The following TBC1D22A variants were observed in gnomAD, a reference collection of about 807,000 sequenced individuals.
TBC1D22A encodes the protein TBC1 domain family member 22A.
In TBC1D22A, 38 loss-of-function variants were observed where a neutral mutation model predicts 60.2. The ratio of observed to expected loss-of-function variants is 0.63; its 90% CI spans 0.49 to 0.83. The LOEUF is 0.83. TBC1D22A is among the 40% of genes least tolerant of loss of function. The pLI, the probability that TBC1D22A is intolerant of heterozygous loss-of-function variation, is 0.00. For missense variants in TBC1D22A, 628 were observed against 701.0 expected (o/e 0.90, Z 1.18); for synonymous variants, 302 against 281.7 (o/e 1.07, Z -0.72).
intron 9 of TBC1D22A, among the ~76,000 whole-genome samples, chr22:46,976,838 C>T (rs139235430): frequency 4.6e-5 from 7 of 152,324 alleles, no homozygotes; most frequent in Admixed American, 1.3e-4. Flanking sequence ...CAGCCGTCCA[C>T]GCCGTTGCTG....
chr22:46,988,507 T>C (rs1210731098), intron 9 of TBC1D22A, among the ~76,000 whole-genome samples: 1 of 152,260 alleles, frequency 6.6e-6, no homozygotes, highest in Non-Finnish European at 1.5e-5. Context: ...AGAACGAATA[T>C]GGCATCAGCA....
chr22:47,136,431 T>C (rs538165089), intron 12 of TBC1D22A, among the ~76,000 whole-genome samples: 3 of 152,202 alleles, frequency 2.0e-5, no homozygotes, highest in African/African-American at 4.8e-5. Context: ...CTGTAGGACG[T>C]TGGGAGGAGT....
chr22:46,778,554 C>T (rs1381419130), intron 1 of TBC1D22A, among the ~76,000 whole-genome samples: 1 of 152,124 alleles, frequency 6.6e-6, no homozygotes, highest in Non-Finnish European at 1.5e-5. Flanking sequence ...CACTGGCTTC[C>T]ACCTCCACAT....
chr22:46,949,386 CCCCAT>C (rs2072757710), intron 8 of TBC1D22A, among the ~76,000 whole-genome samples: 1 of 152,172 alleles, frequency 6.6e-6, no homozygotes, highest in Non-Finnish European at 1.5e-5. Context: ...TTTCCGAGGG[CCCCAT>C]CTGTGATGGA....
chr22:47,098,183 G>A (rs2065257999), intron 11 of TBC1D22A, among the ~76,000 whole-genome samples: 1 of 152,188 alleles, frequency 6.6e-6, no homozygotes, highest in Non-Finnish European at 1.5e-5. Context: ...TCCGTGAAAT[G>A]TTTTTCCCTT....
intron 11 of TBC1D22A, among the ~76,000 whole-genome samples, chr22:47,082,838 A>G (rs1393236681): frequency 6.6e-6 from 1 of 152,218 alleles, no homozygotes; most frequent in Non-Finnish European, 1.5e-5. Context: ...AAAACTAAAC[A>G]AACTCCATTC....
intron 8 of TBC1D22A, among the ~76,000 whole-genome samples, chr22:46,921,872 T>C (rs1437113648): frequency 3.3e-5 from 5 of 152,234 alleles, no homozygotes; most frequent in African/African-American, 1.2e-4. Context: ...TTTCTTTTGC[T>C]GTGCAGAAGC....
intron 11 of TBC1D22A, among the ~76,000 whole-genome samples, chr22:47,076,061 A>G (rs1440750300): frequency 6.6e-6 from 1 of 152,170 alleles, no homozygotes; most frequent in Non-Finnish European, 1.5e-5. Context: ...TGTTGCCAGA[A>G]TTACAAGGAC....
chr22:47,085,511 A>G (rs1360773437), intron 11 of TBC1D22A, among the ~76,000 whole-genome samples: 1 of 152,202 alleles, frequency 6.6e-6, no homozygotes, highest in Non-Finnish European at 1.5e-5. Context: ...GATTAGAAGT[A>G]AAATGCTGGG....
At chr22:47,131,076 C>A (rs1025341755) in intron 12 of TBC1D22A, among the ~76,000 whole-genome samples, 1 of 152,180 alleles carries the variant, frequency 6.6e-6, no homozygotes, top group Non-Finnish European at 1.5e-5. Flanking sequence ...ACCACCAGCT[C>A]TGTCCTGAAC....
At chr22:46,807,063 C>G (rs193294845) in intron 4 of TBC1D22A, among the ~76,000 whole-genome samples, 7 of 152,226 alleles carry the variant, frequency 4.6e-5, no homozygotes, top group Non-Finnish European at 1.0e-4. Context: ...CCTGCTCAAC[C>G]GCAGATTCTA....
chr22:47,058,884 G>A (rs2063482683), intron 11 of TBC1D22A, among the ~76,000 whole-genome samples: 1 of 152,198 alleles, frequency 6.6e-6, no homozygotes, highest in African/African-American at 2.4e-5. Flanking sequence ...CCCAGGTGAA[G>A]GAGACAGATC....
At chr22:46,861,034 C>T (rs1000084689) in intron 4 of TBC1D22A, among the ~76,000 whole-genome samples, 4 of 152,116 alleles carry the variant, frequency 2.6e-5, no homozygotes, top group Admixed American at 2.0e-4. Context: ...AATCTTGGCT[C>T]ACTGTCTCTG....
At chr22:46,820,004 G>A (rs910028982) in intron 4 of TBC1D22A, among the ~76,000 whole-genome samples, 2 of 152,128 alleles carry the variant, frequency 1.3e-5, no homozygotes, top group South Asian at 4.1e-4. Flanking sequence ...ATTTTGTCTG[G>A]ATTTTCTAGT....
At chr22:47,162,263 T>G (rs149757096) in intron 12 of TBC1D22A, among the ~76,000 whole-genome samples, 2 of 151,912 alleles carry the variant, frequency 1.3e-5, no homozygotes, top group African/African-American at 4.8e-5. Context: ...CCTCCTGGAC[T>G]GGGAGTCATA....
At chr22:46,896,100 T>C (rs1486289980) in intron 7 of TBC1D22A, among the ~76,000 whole-genome samples, 1 of 152,220 alleles carries the variant, frequency 6.6e-6, no homozygotes, top group Non-Finnish European at 1.5e-5. Context: ...CACGTTTGTT[T>C]CTCTGGTTAC....
chr22:47,165,014 A>G (rs2068141689), intron 12 of TBC1D22A, among the ~76,000 whole-genome samples: 1 of 152,110 alleles, frequency 6.6e-6, no homozygotes, highest in Non-Finnish European at 1.5e-5. Flanking sequence ...GGGGCCAGTG[A>G]GACCGAGAGG....
At chr22:47,169,163 A>C (rs1266572264) in intron 12 of TBC1D22A, among the ~76,000 whole-genome samples, 1 of 152,190 alleles carries the variant, frequency 6.6e-6, no homozygotes, top group Non-Finnish European at 1.5e-5. Context: ...CTGACGTTTT[A>C]GAGAGATGCC....
chr22:46,919,373 G>A (rs778481145), intron 8 of TBC1D22A, among the ~76,000 whole-genome samples: 6 of 152,308 alleles, frequency 3.9e-5, no homozygotes, highest in Non-Finnish European at 5.9e-5. Flanking sequence ...CTCCGGGTAC[G>A]GACGCAGCAC....
Sources: allele counts gnomAD v4.1 joint callset (sites outside exome capture counted in the v4.1 genomes callset), GRCh38; gene constraint gnomAD v4.1.1; transcripts MANE v1.5; gene names NCBI Gene and HGNC (gene_info 2026-07-23, HGNC 2026-07-21).